FARP1: variants seen among roughly 807,000 people sequenced by gnomAD.
The protein encoded by FARP1 is FERM, ARH/RhoGEF and pleckstrin domain protein 1.
Under a neutral mutation model 128.8 loss-of-function variants are expected in FARP1, and 52 were observed. The observed-to-expected ratio is 0.40, with a 90% CI of 0.32 to 0.51. The LOEUF (loss-of-function observed/expected upper bound fraction) is 0.51. Ranked by LOEUF, FARP1 falls within the 20% of genes least tolerant of loss-of-function variation. The pLI is 0.45. For missense variants in FARP1, 1,333 were observed against 1,367.9 expected (o/e 0.97, Z 0.40); for synonymous variants, 580 against 551.8 (o/e 1.05, Z -0.72).
Position 98,446,085 on chromosome 13 carries a change from C to T in FARP1, c.2797-13C>T, listed in dbSNP as rs761083139. On this transcript the variant is annotated splice_polypyrimidine_tract_variant and intron_variant, in intron 24 of 26. Coordinates refer to ENST00000319562, the MANE Select transcript of FARP1 (RefSeq NM_005766.4). The stretch of plus-strand genomic sequence containing the variant: ...TGCCCGCTGTGCTTCTCACAGGCCT[C>T]CTTGCCTTTCAGAATCAGTTGTCTG... 1.3e-5 allele frequency: 20 copies of T among 1,596,632 alleles called. No individual in the cohort carries two copies. In the Admixed American group the frequency reaches 3.2e-4, roughly 25 times the overall value.
intron 1 of FARP1, among the ~76,000 whole-genome samples, chr13:98,154,456 T>C (rs1007716219): frequency 4.6e-5 from 7 of 152,176 alleles, no homozygotes; most frequent in African/African-American, 1.7e-4. Context: ...AATAATTTCT[T>C]GGACTCTCTG....
chr13:98,182,629 C>T (rs1227003725), intron 1 of FARP1, among the ~76,000 whole-genome samples: 2 of 152,210 alleles, frequency 1.3e-5, no homozygotes, highest in African/African-American at 4.8e-5. Context: ...TGGCCGCATC[C>T]AGCCACATTA....
At chr13:98,166,760 T>C (rs964323848) in intron 1 of FARP1, among the ~76,000 whole-genome samples, 1 of 151,520 alleles carries the variant, frequency 6.6e-6, no homozygotes, top group Non-Finnish European at 1.5e-5. Flanking sequence ...TCTCGTTCTG[T>C]CACTGTGGCT....
chr13:98,309,821 C>T (rs1049933232), intron 2 of FARP1, among the ~76,000 whole-genome samples: 6 of 152,208 alleles, frequency 3.9e-5, no homozygotes, highest in African/African-American at 9.6e-5. Flanking sequence ...GGTGGGTGAA[C>T]GCTTGCATTG....
intron 2 of FARP1, among the ~76,000 whole-genome samples, chr13:98,240,811 G>T (rs551218705): frequency 5.9e-5 from 9 of 152,198 alleles, no homozygotes; most frequent in Non-Finnish European, 1.2e-4. Context: ...ATCTTAGGAT[G>T]GGAAGGCCTC....
intron 2 of FARP1, among the ~76,000 whole-genome samples, chr13:98,273,662 C>T (rs1432959010): frequency 6.6e-6 from 1 of 152,174 alleles, no homozygotes; most frequent in East Asian, 1.9e-4. Flanking sequence ...ATTCAGTAAG[C>T]GTTTGTTGAA....
chr13:98,227,935 G>A (rs995953673), intron 2 of FARP1, among the ~76,000 whole-genome samples: 1 of 152,228 alleles, frequency 6.6e-6, no homozygotes, highest in African/African-American at 2.4e-5. Context: ...GTAGAATGGT[G>A]GTTGCTGTGG....
chr13:98,449,415 C>T lies in FARP1; in HGVS notation c.*1098C>T, dbSNP rs1893074406. 1 of 152,164 alleles carries T rather than the reference C, an allele frequency of 6.6e-6. No homozygotes were observed. The highest frequency in any genetic ancestry group is 6.5e-5 in the Admixed American group (1 of 15,280). The allele number at this position is 152,164 out of a possible 1,614,324, so 9.4% of individuals were successfully genotyped here. ...CGGTTTCCAGTGGCTTTGGCCCCTA[C>T]TCGGGAAACGTCTGCCTGTTCTCGA... is the stretch of plus-strand genomic sequence containing the variant. On this transcript the variant is annotated 3_prime_UTR_variant, in exon 27 of 27. Coordinates refer to ENST00000319562, the MANE Select transcript of FARP1 (RefSeq NM_005766.4).
At chr13:98,179,209 C>T (rs1878328023) in intron 1 of FARP1, among the ~76,000 whole-genome samples, 1 of 126,214 alleles carries the variant, frequency 7.9e-6, no homozygotes, top group African/African-American at 2.6e-5. Flanking sequence ...CGCATGGCAG[C>T]AGACGAGAAC....
At chr13:98,333,740 A>G (rs1276521664) in intron 2 of FARP1, 1 of 152,162 alleles carries the variant, frequency 6.6e-6, no homozygotes, top group Non-Finnish European at 1.5e-5. Flanking sequence ...GCAAGCAGGA[A>G]GAATCGCAGC....
chr13:98,177,056 G>A (rs1349431455), intron 1 of FARP1: 2 of 1,594,764 alleles, frequency 1.3e-6, no homozygotes, highest in Non-Finnish European at 1.7e-6. Flanking sequence ...GGTGCCACCC[G>A]CGGGGGCTGA....
chr13:98,324,169 T>A (rs1429461670), intron 2 of FARP1, among the ~76,000 whole-genome samples: 4 of 152,248 alleles, frequency 2.6e-5, no homozygotes, highest in Non-Finnish European at 5.9e-5. Flanking sequence ...TTTCTAAATT[T>A]CAGGTGGCTC....
chr13:98,357,675 C>G (rs1350412582), intron 3 of FARP1, among the ~76,000 whole-genome samples: 1 of 152,156 alleles, frequency 6.6e-6, no homozygotes, highest in Non-Finnish European at 1.5e-5. Flanking sequence ...ATGTCCTTCT[C>G]TATGGAGTCT....
chr13:98,285,027 T>C (rs1161705258), intron 2 of FARP1, among the ~76,000 whole-genome samples: 1 of 152,198 alleles, frequency 6.6e-6, no homozygotes, highest in African/African-American at 2.4e-5. Flanking sequence ...AATGAAAGAT[T>C]TTGAAACCTG....
intron 26 of FARP1, chr13:98,447,089 T>C (rs145809787): frequency 4.0e-5 from 16 of 400,016 alleles, no homozygotes; most frequent in Non-Finnish European, 6.5e-5. Context: ...GTGTCCGGGA[T>C]GATGAAGCTA....
chr13:98,290,702 C>T (rs558570900), intron 2 of FARP1, among the ~76,000 whole-genome samples: 1 of 152,192 alleles, frequency 6.6e-6, no homozygotes, highest in East Asian at 1.9e-4. Context: ...TGAGTAACAT[C>T]GTACTGGTGT....
chr13:98,144,215 TG>T (rs1322114665), intron 1 of FARP1, among the ~76,000 whole-genome samples: 5 of 151,462 alleles, frequency 3.3e-5, no homozygotes, highest in Non-Finnish European at 7.4e-5. Flanking sequence ...TGTGTGTGTG[TG>T]TGTGTGTGTG....
At chr13:98,178,140 C>T (rs1220808839) in intron 1 of FARP1, among the ~76,000 whole-genome samples, 1 of 151,890 alleles carries the variant, frequency 6.6e-6, no homozygotes, top group Non-Finnish European at 1.5e-5. Context: ...CTGTCCCCTG[C>T]CTGGCCCCTC....
Position 98,281,982 on chromosome 13 carries a change from C to T in FARP1, c.172-61780C>T, listed in dbSNP as rs543006587. On this transcript the variant is annotated intron_variant, in intron 2 of 26. Transcript: ENST00000319562. ...TGGCAGAAATCCTCTGCCCATCAGC[C>T]GAGTACTTTACTCCTTAGTTCCTCA... Among the ~76,000 whole-genome samples, 70 of 152,268 alleles carry T rather than the reference C, an allele frequency of 4.6e-4. No homozygotes were observed. In the South Asian group the frequency reaches 8.5e-3, roughly 19 times the overall value.
Sources: allele counts gnomAD v4.1 joint callset (sites outside exome capture counted in the v4.1 genomes callset), GRCh38; gene constraint gnomAD v4.1.1; transcripts MANE v1.5; gene names NCBI Gene and HGNC (gene_info 2026-07-23, HGNC 2026-07-21).